DUSP15: variants seen among roughly 807,000 people sequenced by gnomAD.
DUSP15 encodes the protein dual specificity phosphatase 15.
Under a neutral mutation model 26.3 loss-of-function variants are expected in DUSP15, and 23 were observed. That is an observed-to-expected ratio of 0.87 (90% confidence interval 0.63 to 1.24). DUSP15 has a LOEUF of 1.24. Ranked by LOEUF, DUSP15 falls within the 50% of genes most tolerant of loss-of-function variation. The pLI is 0.00. For missense variants in DUSP15, 364 were observed against 320.6 expected, an observed-to-expected ratio of 1.14 and a Z score of -1.03; for synonymous variants, 143 against 135.5, an observed-to-expected ratio of 1.06 and a Z score of -0.39.
chr20:31,869,101 T>A (rs2062845929), intron 2 of DUSP15, among the ~76,000 whole-genome samples: 1 of 152,130 alleles, frequency 6.6e-6, no homozygotes, highest in Admixed American at 6.5e-5. Flanking sequence ...GAGGAAGTTA[T>A]GGGGGGAAGA....
downstream of DUSP15, among the ~76,000 whole-genome samples, chr20:31,845,989 C>A (rs1165279620): frequency 6.6e-6 from 1 of 151,978 alleles, no homozygotes; most frequent in Non-Finnish European, 1.5e-5. Context: ...GAGGGAGAGA[C>A]AAAGATAAGA....
chr20:31,850,531 G>A (rs1184841763), intron 7 of DUSP15: 3 of 1,415,824 alleles, frequency 2.1e-6, no homozygotes, highest in Non-Finnish European at 2.9e-6. Flanking sequence ...TTGGGTGGGA[G>A]AGAGAGGTGG....
intron 2 of DUSP15, among the ~76,000 whole-genome samples, chr20:31,868,041 C>T (rs1441925546): frequency 1.3e-5 from 2 of 152,202 alleles, no homozygotes; most frequent in Non-Finnish European, 2.9e-5. Flanking sequence ...CAAGGATGTA[C>T]CCAACAGTGG....
In DUSP15 at chr20:31,855,138, AC is replaced by A. The variant is rs553790752; in HGVS notation, c.427-4463del. Among the ~76,000 whole-genome samples, 176 of 152,328 alleles carry A rather than the reference AC, an allele frequency of 1.2e-3. 3 individuals are homozygous for A. In the Middle Eastern group the frequency reaches 0.017, roughly 15 times the overall value. Reference sequence around the variant, plus strand: ...GCTTGGGGGCCATTTTCAATCACCAACAAAAAAGCACAAAAACATAAAAAAT... The same window carrying A: ...GCTTGGGGGCCATTTTCAATCACCAAAAAAAAGCACAAAAACATAAAAAAT... On this transcript the variant is annotated intron_variant, in intron 6 of 9. Transcript: ENST00000278979.
At chr20:31,857,578 C>G (rs2062581372), downstream of DUSP15, among the ~76,000 whole-genome samples, 1 of 152,244 alleles carries the variant, frequency 6.6e-6, no homozygotes, top group Admixed American at 6.5e-5. Context: ...TCTGCCTCCA[C>G]TCCCTCTCCT....
chr20:31,846,440 AATAG>A (rs1483009638), downstream of DUSP15, among the ~76,000 whole-genome samples: 54 of 95,342 alleles, frequency 5.7e-4, no homozygotes, highest in African/African-American at 3.0e-3. Flanking sequence ...GAAAGGAATG[AATAG>A]AGAGAGAGAG....
Position 31,861,555 on chromosome 20 carries a change from CGGA to C in DUSP15, c.553_555del (p.Ser185del). 1.3e-6 allele frequency: 2 copies of C among 1,503,340 alleles called. No individual in the cohort carries two copies. The highest frequency in any genetic ancestry group is 8.8e-7 in the Non-Finnish European group (1 of 1,134,280). The allele number at this position is 1,503,340 out of a possible 1,614,324, so 93.1% of individuals were successfully genotyped here. A position where few individuals can be genotyped will look rare whatever the true frequency, so the allele number is the denominator to read the frequency against. On this transcript the variant is annotated inframe_deletion, in exon 7 of 7. Coordinates refer to ENST00000339738, the MANE Select transcript of DUSP15 (RefSeq NM_080611.5). ...TCGGAGGCTGCTGAGTGCGGCCCGG[CGGA>C]GGAGGCCGAGGTCGCGGAGCCCTGC... is the stretch of plus-strand genomic sequence containing the variant.
At chr20:31,865,144 G>A (rs2062740365) in intron 3 of DUSP15, 142 bp from the exon 4 acceptor site, 2 of 879,218 alleles carry the variant, frequency 2.3e-6, no homozygotes, top group Non-Finnish European at 3.7e-6. Context: ...TCCAAAGAAA[G>A]TAGTTGTCAT....
chr20:31,864,821 G>A, intron 4 of DUSP15, 132 bp downstream of exon 4: 1 of 945,988 alleles, frequency 1.1e-6, no homozygotes, highest in Non-Finnish European at 1.7e-6. Context: ...AGTCAAACCT[G>A]GGACTGGTTG....
rs1312404176 is a variant in DUSP15 at position 31,861,143 on chromosome 20, G to A, written c.*260C>T. 12 of 1,042,554 alleles carry A rather than the reference G, an allele frequency of 1.2e-5. No homozygotes were observed. The highest frequency in any genetic ancestry group is 5.2e-5 in the African/African-American group (3 of 57,258). The allele number at this position is 1,042,554 out of a possible 1,614,324, so 64.6% of individuals were successfully genotyped here. A position where few individuals can be genotyped will look rare whatever the true frequency, so the allele number is the denominator to read the frequency against. The stretch of plus-strand genomic sequence containing the variant: ...CTCCACTCTCCCTCCCTCCCCTCCC[G>A]CCGCCTTTAAGGGTGGGCCCCCTCC... On this transcript the variant is annotated 3_prime_UTR_variant, in exon 7 of 7. Coordinates refer to ENST00000339738, the MANE Select transcript of DUSP15 (RefSeq NM_080611.5).
chr20:31,849,880 G>A, intron 7 of DUSP15: 1 of 1,486,060 alleles, frequency 6.7e-7, no homozygotes, highest in Admixed American at 2.3e-5. Flanking sequence ...GCAGGCTGTG[G>A]GGCGAGAGAG....
chr20:31,849,421 C>A (rs1231606133), intron 8 of DUSP15: 2 of 513,362 alleles, frequency 3.9e-6, no homozygotes, highest in South Asian at 2.0e-5. Flanking sequence ...CCCTTAGGCC[C>A]ATCCCCCTGG....
chr20:31,861,166 T>C lies in DUSP15; in HGVS notation c.*237A>G. The stretch of plus-strand genomic sequence containing the variant: ...CCGCCGCCTTTAAGGGTGGGCCCCC[T>C]CCCCCAGCCCAAGGACTAAGGCACC... On this transcript the variant is annotated 3_prime_UTR_variant, in exon 7 of 7. Coordinates refer to ENST00000339738, the MANE Select transcript of DUSP15 (RefSeq NM_080611.5). The C allele has an allele frequency of 8.7e-6, 10 of 1,148,038 alleles. No individual in the cohort carries two copies. The highest frequency in any genetic ancestry group is 3.8e-4 in the Middle Eastern group (1 of 2,664). The allele number at this position is 1,148,038 out of a possible 1,614,324, so 71.1% of individuals were successfully genotyped here.
downstream of DUSP15, among the ~76,000 whole-genome samples, chr20:31,860,837 A>C (rs1295172358): frequency 6.6e-6 from 1 of 152,098 alleles, no homozygotes; most frequent in Non-Finnish European, 1.5e-5. Context: ...GGGCCTTGTC[A>C]GGCGGGACAC....
intron 4 of DUSP15, chr20:31,864,343 G>C: frequency 9.4e-7 from 1 of 1,061,546 alleles, no homozygotes; most frequent in South Asian, 3.4e-5. Flanking sequence ...GAGCACCTGG[G>C]CACAATGATG....
downstream of DUSP15, among the ~76,000 whole-genome samples, chr20:31,860,445 T>G (rs1341651633): frequency 3.3e-5 from 5 of 152,262 alleles, no homozygotes. Context: ...TGGGCAGCCC[T>G]GGCCTTTAAA....
downstream of DUSP15, chr20:31,845,767 G>A (rs993611662): frequency 3.5e-5 from 21 of 607,116 alleles, no homozygotes; most frequent in Non-Finnish European, 5.8e-5. Context: ...GTGGGAAGCC[G>A]AGCAGCTGCC....
intron 1 of DUSP15, chr20:31,869,902 G>C: frequency 7.2e-7 from 1 of 1,383,520 alleles, no homozygotes; most frequent in African/African-American, 1.5e-5. Flanking sequence ...TAGACTTGCA[G>C]GGTGCAGGGA....
rs372802847 is a variant in DUSP15 at position 31,853,852 on chromosome 20, C to T, written c.427-3176G>A. ...CTCTTGGGCTCAAGTGATCCTCCCA[C>T]CTCGGCCTCCCAAAGCACTGGGATT... On this transcript the variant is annotated intron_variant, in intron 6 of 9. Transcript: ENST00000278979. Among the ~76,000 whole-genome samples, 366 of 152,250 alleles carry T rather than the reference C, an allele frequency of 2.4e-3. 2 individuals carry two copies. Among genetic ancestry groups the T allele is most frequent in the African/African-American group, 8.2e-3 (342 of 41,566 alleles).
Sources: gnomAD v4.1 joint callset for allele counts (sites outside exome capture counted in the v4.1 genomes callset) on GRCh38, gnomAD v4.1.1 for gene constraint, MANE v1.5 for transcripts, NCBI Gene and HGNC (gene_info 2026-07-23, HGNC 2026-07-21) for gene names.